Variants in RAP1GDS1 observed in about 807,000 individuals in gnomAD.
The protein encoded by RAP1GDS1 is Rap1 GTPase-GDP dissociation stimulator 1, also known as RAP1, GTP-GDP dissociation stimulator 1.
In RAP1GDS1, 35 loss-of-function variants were observed where a neutral mutation model predicts 71.1. The observed-to-expected ratio is 0.49, with a 90% CI of 0.38 to 0.65. The LOEUF (loss-of-function observed/expected upper bound fraction) is 0.65. Ranked by LOEUF, RAP1GDS1 falls within the 30% of genes least tolerant of loss-of-function variation. The pLI, the probability that RAP1GDS1 is intolerant of heterozygous loss-of-function variation, is 0.00. For synonymous variants in RAP1GDS1, 229 were observed against 243.1 expected, an observed-to-expected ratio of 0.94 and a Z score of 0.54; for missense variants, 663 against 706.1, an observed-to-expected ratio of 0.94 and a Z score of 0.69.
At chr4:98,345,325 A>ACTTCTT (rs1320095364) in intron 3 of RAP1GDS1, among the ~76,000 whole-genome samples, 3 of 152,226 alleles carry the variant, frequency 2.0e-5, no homozygotes, top group Non-Finnish European at 2.9e-5. Context: ...ATTAGCATAT[A>ACTTCTT]CTTCTTCCAT....
At chr4:98,371,777 T>TCTACTATG (rs1160062044) in intron 4 of RAP1GDS1, among the ~76,000 whole-genome samples, 1 of 152,192 alleles carries the variant, frequency 6.6e-6, no homozygotes, top group East Asian at 1.9e-4. Flanking sequence ...TTTTCTGATG[T>TCTACTATG]CTACTATGTC....
intron 3 of RAP1GDS1, among the ~76,000 whole-genome samples, chr4:98,343,910 A>C (rs888482609): frequency 2.0e-5 from 3 of 152,218 alleles, no homozygotes; most frequent in African/African-American, 7.2e-5. Flanking sequence ...ATGTTTAAGC[A>C]TATAAGAAGG....
intron 2 of RAP1GDS1, among the ~76,000 whole-genome samples, chr4:98,334,830 C>CT (rs796454145): frequency 0.028 from 3,675 of 130,498 alleles, 133 homozygotes; most frequent in African/African-American, 0.092. Context: ...TCCTTTAATA[C>CT]TTTTTTTTTT....
chr4:98,372,970 G>A (rs541594054), intron 4 of RAP1GDS1, among the ~76,000 whole-genome samples: 38 of 152,306 alleles, frequency 2.5e-4, no homozygotes, highest in Admixed American at 9.8e-4. Flanking sequence ...GATTATAGGC[G>A]TGAGCCACTG....
intron 10 of RAP1GDS1, among the ~76,000 whole-genome samples, chr4:98,419,608 T>C (rs1748515896): frequency 6.6e-6 from 1 of 152,206 alleles, no homozygotes; most frequent in Non-Finnish European, 1.5e-5. Flanking sequence ...ATCCAATCCA[T>C]TTGAATTCAT....
chr4:98,417,591 G>A, intron 9 of RAP1GDS1, 93 bp downstream of exon 9: 3 of 1,310,228 alleles, frequency 2.3e-6, no homozygotes, highest in Middle Eastern at 3.8e-4. Context: ...GAACAGTTTA[G>A]AAGTTGTGTA....
At chr4:98,330,641 G>A (rs1338541273) in intron 2 of RAP1GDS1, among the ~76,000 whole-genome samples, 2 of 148,308 alleles carry the variant, frequency 1.3e-5, no homozygotes, top group African/African-American at 2.5e-5. Context: ...GGGCAGAGAC[G>A]CTCCTCACTT....
intron 7 of RAP1GDS1, among the ~76,000 whole-genome samples, chr4:98,413,033 A>G (rs977299666): frequency 2.0e-5 from 3 of 152,102 alleles, no homozygotes; most frequent in African/African-American, 7.2e-5. Flanking sequence ...AGCGTTCGAG[A>G]GCAGAGAACC....
chr4:98,376,072 A>T (rs1463415510), intron 4 of RAP1GDS1, among the ~76,000 whole-genome samples: 1 of 152,118 alleles, frequency 6.6e-6, no homozygotes, highest in South Asian at 2.1e-4. Context: ...CCCTGCTCTT[A>T]GCTAATGTGA....
rs143156640 is a variant in RAP1GDS1 at position 98,320,401 on chromosome 4, G to A, written c.113-22738G>A. Among the ~76,000 whole-genome samples, 496 of 152,146 alleles carry A rather than the reference G, an allele frequency of 3.3e-3. 1 individual carries two copies. Among genetic ancestry groups the A allele is most frequent in the Non-Finnish European group, 4.1e-3 (279 of 67,942 alleles). ...AGCTGTTTGAAAATGTCCCCGTTAC[G>A]TGATTCTCTTTTCAGAATGATTCAG... On this transcript the variant is annotated intron_variant, in intron 2 of 14. Coordinates refer to ENST00000408927, the MANE Select transcript of RAP1GDS1 (RefSeq NM_001100427.2).
chr4:98,338,406 A>G (rs951017317), intron 2 of RAP1GDS1, among the ~76,000 whole-genome samples: 3 of 152,174 alleles, frequency 2.0e-5, no homozygotes, highest in African/African-American at 7.2e-5. Flanking sequence ...TCTCTTTGGT[A>G]ATTGAAGCCT....
At chr4:98,387,758 A>G (rs1479065468) in intron 5 of RAP1GDS1, among the ~76,000 whole-genome samples, 1 of 152,294 alleles carries the variant, frequency 6.6e-6, no homozygotes, top group Non-Finnish European at 1.5e-5. Context: ...TCTTTCACAC[A>G]TAAGTGTTTG....
intron 6 of RAP1GDS1, among the ~76,000 whole-genome samples, chr4:98,398,573 A>G (rs1744896915): frequency 6.6e-6 from 1 of 152,170 alleles, no homozygotes. Flanking sequence ...TTGCCTTCAA[A>G]ATTTTTAGGG....
chr4:98,352,740 C>A, intron 4 of RAP1GDS1, 139 bp downstream of exon 4: 1 of 724,324 alleles, frequency 1.4e-6, no homozygotes, highest in Non-Finnish European at 2.1e-6. Context: ...GCTTATTTAG[C>A]AGAATTTATG....
At chr4:98,384,503 G>A (rs1258362202) in intron 5 of RAP1GDS1, among the ~76,000 whole-genome samples, 3 of 151,658 alleles carry the variant, frequency 2.0e-5, no homozygotes, top group Admixed American at 2.0e-4. Flanking sequence ...CTAAAGAATA[G>A]AGCAGTTAGT....
intron 5 of RAP1GDS1, among the ~76,000 whole-genome samples, chr4:98,381,249 A>T (rs1255708981): frequency 6.6e-6 from 1 of 151,484 alleles, no homozygotes; most frequent in Non-Finnish European, 1.5e-5. Flanking sequence ...TTTAAAACTT[A>T]TCGAATAAAA....
rs533081876 is a variant in RAP1GDS1 at position 98,283,259 on chromosome 4, CCA to C, written c.5-10148_5-10147del. Among the ~76,000 whole-genome samples the C allele has an allele frequency of 2.8e-4, 42 of 152,202 alleles. No individual in the cohort carries two copies. In the East Asian group the frequency reaches 8.1e-3, roughly 29 times the overall value. On this transcript the variant is annotated intron_variant, in intron 1 of 14. Transcript: ENST00000408927. Reference sequence around the variant, plus strand: ...TAATATTATAAGCTACATTTGGTCTCCAAAATACAGTTAGAGCAAAGAAAAAA... The same window carrying C: ...TAATATTATAAGCTACATTTGGTCTCAAATACAGTTAGAGCAAAGAAAAAA...
chr4:98,357,041 A>G (rs923402728), intron 4 of RAP1GDS1, among the ~76,000 whole-genome samples: 1 of 151,962 alleles, frequency 6.6e-6, no homozygotes, highest in African/African-American at 2.4e-5. Context: ...CAATAATTGT[A>G]CAATATTTTA....
rs954479008 is a variant in RAP1GDS1 at position 98,320,126 on chromosome 4, A to G, written c.113-23013A>G. On this transcript the variant is annotated intron_variant, in intron 2 of 14. Coordinates refer to ENST00000408927, the MANE Select transcript of RAP1GDS1 (RefSeq NM_001100427.2). ...ATATAGTATGTAATACATATAACAT[A>G]CTGAATATGTGTTAATTGTTATGGG... Among the ~76,000 whole-genome samples the G allele has an allele frequency of 2.1e-4, 32 of 152,230 alleles. 1 individual carries two copies. Among genetic ancestry groups the G allele is most frequent in the Non-Finnish European group, 4.4e-5 (3 of 68,056 alleles).
Sources: allele counts gnomAD v4.1 joint callset (sites outside exome capture counted in the v4.1 genomes callset), GRCh38; gene constraint gnomAD v4.1.1; transcripts MANE v1.5; gene names NCBI Gene and HGNC (gene_info 2026-07-23, HGNC 2026-07-21).